AP3B2: variants seen among roughly 807,000 people sequenced by gnomAD.
AP3B2 encodes the protein AP-3 complex subunit beta-2.
AP3B2 carries 50 observed loss-of-function variants against 126.9 expected under a neutral mutation model. The ratio of observed to expected loss-of-function variants is 0.39; its 90% confidence interval spans 0.31 to 0.50. The LOEUF (loss-of-function observed/expected upper bound fraction) is 0.50, where lower values mean the gene tolerates loss of function less well. Among genes scored for constraint, AP3B2 ranks in the 20% least tolerant of loss-of-function variants. The probability of loss-of-function intolerance (pLI) is 0.79; values close to 1 mark genes in which losing one functional copy is unlikely to be tolerated. For synonymous variants in AP3B2, 541 were observed against 565.0 expected, an observed-to-expected ratio of 0.96 and a Z score of 0.60; for missense variants, 1,177 against 1,426.4, an observed-to-expected ratio of 0.83 and a Z score of 2.82.
rs1042994550 is a variant in AP3B2 at position 82,663,563 on chromosome 15, C to T, written c.2494G>A (p.Asp832Asn). 1 of 1,613,780 alleles carries T rather than the reference C, an allele frequency of 6.2e-7. No individual in the cohort carries two copies. The highest frequency in any genetic ancestry group is 2.2e-5 in the East Asian group (1 of 44,866). Residue 832 changes from aspartate to asparagine, a missense_variant, in exon 21 of 27, where the codon GAT becomes AAT. Asp to Asn is a conservative substitution (Grantham distance 23, BLOSUM62 1). Around this residue, in one of 5 missense-constraint regions of AP3B2, gnomAD observed 587 missense variants for 571.3 expected, o/e 1.03. Transcript: ENST00000535359. ...GACTTTTACCACCCAAACTCACAATCCTCTAGATCAAGCAGGGAGATCTCC... is the reference window on the plus strand; with the variant it reads ...GACTTTTACCACCCAAACTCACAATTCTCTAGATCAAGCAGGGAGATCTCC... ...TKEISLLDLEDFTPPSVQPVS... is the reference protein window; with the variant it reads ...TKEISLLDLENFTPPSVQPVS...
At chr15:82,682,004 T>C (rs915666126) in intron 4 of AP3B2, among the ~76,000 whole-genome samples, 17 of 151,666 alleles carry the variant, frequency 1.1e-4, no homozygotes, top group Non-Finnish European at 2.1e-4. Context: ...AAAGCTGCTG[T>C]TCTTCCACAG....
In AP3B2 at chr15:82,662,817, C is replaced by G. The variant is rs1394231147; in HGVS notation, c.2710G>C (p.Asp904His). 6.2e-7 allele frequency: 1 copy of G among 1,613,760 alleles called. No homozygotes were observed. The highest frequency in any genetic ancestry group is 8.5e-7 in the Non-Finnish European group (1 of 1,179,812). ...ATGTGCACGGACACCATGTGGGGAT[C>G]CCCGGAGAAAGGTTGGCGGCTGAAG... The part of the protein sequence containing the change: ...YTFSRQPFSG[D>H]PHMVSVHIHF... Residue 904 changes from aspartate (D) to histidine (H), a missense_variant, in exon 23 of 27, where the codon GAT becomes CAT. Asp to His is a moderately conservative substitution (Grantham distance 81, BLOSUM62 -1). Coordinates refer to ENST00000535359, the MANE Select transcript of AP3B2 (RefSeq NM_001278512.2).
Position 82,666,931 on chromosome 15 carries a change from G to T in AP3B2, c.1668C>A (p.Thr556=). 6.2e-7 allele frequency: 1 copy of T among 1,607,424 alleles called. No individual in the cohort carries two copies. Among genetic ancestry groups the T allele is most frequent in the South Asian group, 1.1e-5 (1 of 90,740 alleles). Residue 556 remains threonine, a splice_region_variant and synonymous_variant, in exon 15 of 27, where the codon ACC becomes ACA. Transcript: ENST00000535359. ...AKLYLTNSKQ[T]KLLTQYVLSL... ...TCAGCACATACTGGGTCAGCAGCTT[G>T]GTCTGGAGGAACAGGAAGAGGTGGG...
chr15:82,695,453 C>T (rs556909411), intron 1 of AP3B2, among the ~76,000 whole-genome samples: 1 of 152,118 alleles, frequency 6.6e-6, no homozygotes, highest in South Asian at 2.1e-4. Flanking sequence ...GGGAGTGGGG[C>T]TGATGGTTGA....
intron 1 of AP3B2, 177 bp from the exon 2 acceptor site, chr15:82,689,630 C>T: frequency 1.6e-6 from 1 of 609,416 alleles, no homozygotes; most frequent in East Asian, 2.8e-5. Context: ...AACATGTGGC[C>T]AGCTAATATT....
intron 1 of AP3B2, among the ~76,000 whole-genome samples, chr15:82,698,862 T>C (rs1353046663): frequency 6.6e-6 from 1 of 151,938 alleles, no homozygotes; most frequent in Non-Finnish European, 1.5e-5. Context: ...AGAAGGGGAA[T>C]GAAAGGGGGC....
At chr15:82,699,064 A>C (rs1292791421) in intron 1 of AP3B2, among the ~76,000 whole-genome samples, 1 of 152,180 alleles carries the variant, frequency 6.6e-6, no homozygotes. Flanking sequence ...CCCTAAGGCC[A>C]TGAAACATTA....
chr15:82,687,616 T>G (rs1427026912), intron 4 of AP3B2: 1 of 152,156 alleles, frequency 6.6e-6, no homozygotes, highest in East Asian at 1.9e-4. Context: ...ATGAATGAAT[T>G]GTATATTCAA....
At chr15:82,694,290 C>T (rs908728733) in intron 1 of AP3B2, among the ~76,000 whole-genome samples, 5 of 150,572 alleles carry the variant, frequency 3.3e-5, no homozygotes, top group Admixed American at 6.6e-5. Flanking sequence ...CAAGTGTGAG[C>T]CACTGTGCCA....
Position 82,664,234 on chromosome 15 carries a change from T to C in AP3B2, c.2261+133A>G, listed in dbSNP as rs2048010679. ...CTGCAGCCAGCGAAAGTAGGCGTCA[T>C]GTGAGCTGACAGCCCCACCCAGCTC... On this transcript the variant is annotated intron_variant, in intron 19 of 26. Transcript: ENST00000535359. This position sits in a 1 kb window ranked among gnomAD's most constrained non-coding sequence, Gnocchi z 4.5. 14 of 1,428,280 alleles carry C rather than the reference T, an allele frequency of 9.8e-6. No individual in the cohort carries two copies. The highest frequency in any genetic ancestry group is 1.4e-5 in the African/African-American group (1 of 70,888). 88.5% of individuals were successfully genotyped at this position (1,428,280 alleles called of 1,614,324 possible).
chr15:82,660,380 G>C (rs564285933), intron 25 of AP3B2, among the ~76,000 whole-genome samples: 3 of 152,178 alleles, frequency 2.0e-5, no homozygotes, highest in African/African-American at 7.2e-5. Context: ...CTCAGCTCCT[G>C]GAAGCTAAGC....
chr15:82,694,384 C>T (rs1327518369), intron 1 of AP3B2, among the ~76,000 whole-genome samples: 1 of 151,734 alleles, frequency 6.6e-6, no homozygotes, highest in African/African-American at 2.4e-5. Flanking sequence ...TTCCTAGAAC[C>T]ACCATAACAA....
Position 82,664,620 on chromosome 15 carries a change from A to T in AP3B2, c.2138-130T>A, listed in dbSNP as rs572521545. ...CTCTCTGACCTGCCCCCAGCCCTAC[A>T]TGCCAGCTGGAACTGACAGAAACAC... On this transcript the variant is annotated intron_variant, in intron 18 of 26. Coordinates refer to ENST00000535359, the MANE Select transcript of AP3B2 (RefSeq NM_001278512.2). This position sits in a 1 kb window ranked among gnomAD's most constrained non-coding sequence, Gnocchi z 4.5. The T allele has an allele frequency of 7.9e-5, 99 of 1,253,772 alleles. No homozygotes were observed. The African/African-American group carries it at 1.2e-3, about 15-fold the overall frequency. 77.7% of individuals were successfully genotyped at this position (1,253,772 alleles called of 1,614,324 possible).
chr15:82,691,916 A>G, intron 1 of AP3B2: 1 of 1,300,216 alleles, frequency 7.7e-7, no homozygotes, highest in Middle Eastern at 1.9e-4. Context: ...GGCATATTCC[A>G]TGTCTTCTTT....
chr15:82,705,431 A>C (rs1430751887), intron 1 of AP3B2, among the ~76,000 whole-genome samples: 2 of 152,018 alleles, frequency 1.3e-5, no homozygotes, highest in East Asian at 1.9e-4. Context: ...CCGTGGTGCC[A>C]AACTCATATA....
At chr15:82,695,871 A>G (rs1023952822) in intron 1 of AP3B2, among the ~76,000 whole-genome samples, 3 of 152,134 alleles carry the variant, frequency 2.0e-5, no homozygotes, top group Non-Finnish European at 4.4e-5. Flanking sequence ...CTAACACTAG[A>G]TTGACTTGAA....
intron 4 of AP3B2, chr15:82,685,085 A>T (rs1462236197): frequency 1.3e-5 from 2 of 152,234 alleles, no homozygotes; most frequent in East Asian, 3.8e-4. Flanking sequence ...CAGAACACAC[A>T]CAACATTTAT....
chr15:82,695,963 G>A (rs1287896172), intron 1 of AP3B2, among the ~76,000 whole-genome samples: 3 of 152,196 alleles, frequency 2.0e-5, no homozygotes, highest in Non-Finnish European at 4.4e-5. Flanking sequence ...GGCCAGAGGT[G>A]AAGCACTCTC....
chr15:82,683,046 AGTTTTTTTTTT>A (rs2048368096), intron 4 of AP3B2, among the ~76,000 whole-genome samples: 1 of 71,932 alleles, frequency 1.4e-5, no homozygotes, highest in African/African-American at 4.5e-5. Flanking sequence ...CTGCACCAGG[AGTTTTTTTTTT>A]TTTTTTTTTT....
Sources: gnomAD v4.1 joint callset for allele counts (sites outside exome capture counted in the v4.1 genomes callset) on GRCh38, gnomAD v4.1.1 for gene constraint, gnomAD v4.1.1 regional missense constraint, Gnocchi (gnomAD v3.1) non-coding constraint, MANE v1.5 for transcripts, NCBI Gene and HGNC (gene_info 2026-07-23, HGNC 2026-07-21) for gene names.